CNTN4: variants seen among roughly 807,000 people sequenced by gnomAD.
CNTN4 encodes the protein contactin-4.
In CNTN4, 77 loss-of-function variants were observed where a neutral mutation model predicts 122.5. The observed-to-expected ratio is 0.63, with a 90% CI of 0.52 to 0.76. The LOEUF is 0.76. Ranked by LOEUF, CNTN4 falls within the 30% of genes least tolerant of loss-of-function variation. The probability of loss-of-function intolerance (pLI) is 0.00; values close to 1 mark genes in which losing one functional copy is unlikely to be tolerated. For missense variants in CNTN4, 1,256 were observed against 1,259.1 expected (o/e 1.00, Z 0.04); for synonymous variants, 512 against 447.0 (o/e 1.15, Z -1.83).
rs534895046 is a variant in CNTN4 at position 2,369,994 on chromosome 3, C to A, written c.-89+30761C>A. ...TTTTTACCATTAATTTTCCAAAGAG[C>A]CTCTGAACTCATTGATAGTGCCGGA... On this transcript the variant is annotated intron_variant, in intron 3 of 24. Coordinates refer to ENST00000418658, the MANE Select transcript of CNTN4 (RefSeq NM_175607.3). 1.1e-4 allele frequency among the ~76,000 whole-genome samples: 16 copies of A among 152,210 alleles called. No homozygotes were observed. The South Asian group carries it at 2.1e-3, about 20-fold the overall frequency.
intron 14 of CNTN4, among the ~76,000 whole-genome samples, chr3:3,011,383 C>T (rs1018041401): frequency 6.6e-6 from 1 of 152,094 alleles, no homozygotes; most frequent in Non-Finnish European, 1.5e-5. Flanking sequence ...GTCATATTGT[C>T]CTGTCTTCAG....
At chr3:2,816,800 A>G (rs971110442) in intron 6 of CNTN4, among the ~76,000 whole-genome samples, 1 of 138,004 alleles carries the variant, frequency 7.2e-6, no homozygotes, top group Non-Finnish European at 1.6e-5. Context: ...CAGTCTGGCA[A>G]CAGAGTGAGA....
chr3:2,266,674 A>C (rs1316900557), intron 2 of CNTN4, among the ~76,000 whole-genome samples: 1 of 152,048 alleles, frequency 6.6e-6, no homozygotes. Context: ...AGAATTTATA[A>C]TGTCTTCTAT....
intron 2 of CNTN4, among the ~76,000 whole-genome samples, chr3:2,193,404 A>G (rs989721416): frequency 1.3e-5 from 2 of 152,194 alleles, no homozygotes; most frequent in African/African-American, 4.8e-5. Flanking sequence ...GGGACTATAA[A>G]AATGGCTCAT....
At chr3:2,820,189 A>G (rs2092831119) in intron 7 of CNTN4, among the ~76,000 whole-genome samples, 1 of 152,006 alleles carries the variant, frequency 6.6e-6, no homozygotes, top group African/African-American at 2.4e-5. Flanking sequence ...GACCTCACAC[A>G]CTTCTGACTA....
intron 4 of CNTN4, among the ~76,000 whole-genome samples, chr3:2,617,419 C>CTTTTTTTTTTTT (rs71058631): frequency 5.5e-5 from 6 of 108,522 alleles, no homozygotes; most frequent in East Asian, 2.4e-4. Flanking sequence ...AGAGAAATGC[C>CTTTTTTTTTTTT]TTTTTTTTTT....
chr3:2,304,656 C>A (rs1482609169), intron 2 of CNTN4, among the ~76,000 whole-genome samples: 1 of 151,894 alleles, frequency 6.6e-6, no homozygotes, highest in African/African-American at 2.4e-5. Flanking sequence ...ATTGTGTGAA[C>A]TGACCCAACA....
At chr3:2,785,128 C>CACAG (rs1361309837) in intron 6 of CNTN4, among the ~76,000 whole-genome samples, 1 of 116,530 alleles carries the variant, frequency 8.6e-6, no homozygotes, top group African/African-American at 3.1e-5. Flanking sequence ...CACACACACA[C>CACAG]ACACACACAC....
chr3:2,429,852 G>C (rs1172676366), intron 3 of CNTN4, among the ~76,000 whole-genome samples: 1 of 152,118 alleles, frequency 6.6e-6, no homozygotes, highest in African/African-American at 2.4e-5. Flanking sequence ...AACAATAAGT[G>C]AGGCTCCGTG....
At chr3:2,926,279 T>A (rs756544701) in intron 13 of CNTN4, among the ~76,000 whole-genome samples, 4 of 152,234 alleles carry the variant, frequency 2.6e-5, no homozygotes, top group Non-Finnish European at 4.4e-5. Flanking sequence ...CAGAGTGTTA[T>A]GCTTTTTATT....
rs2094397630 is a variant in CNTN4 at position 2,918,884 on chromosome 3, A to T, written c.1208-6745A>T. Among the ~76,000 whole-genome samples, 3 of 152,232 alleles carry T rather than the reference A, an allele frequency of 2.0e-5. No homozygotes were observed. The South Asian group carries it at 6.2e-4, about 32-fold the overall frequency. ...AAGGGGAGAAAGAGATGTAGTGTTC[A>T]GGCAAAGCCTCATGAGACGGGAATT... On this transcript the variant is annotated intron_variant, in intron 12 of 24. Coordinates refer to ENST00000418658, the MANE Select transcript of CNTN4 (RefSeq NM_175607.3).
intron 4 of CNTN4, among the ~76,000 whole-genome samples, chr3:2,729,846 G>A (rs113307943): frequency 0.012 from 1,784 of 152,222 alleles, 32 homozygotes; most frequent in African/African-American, 0.041. Context: ...CCTGGGAGGC[G>A]GAGGTTGCAG....
rs113089890 is a variant in CNTN4 at position 2,759,989 on chromosome 3, C to A, written c.358+14292C>A. Among the ~76,000 whole-genome samples, 512 of 152,176 alleles carry A rather than the reference C, an allele frequency of 3.4e-3. 5 individuals are homozygous for A. Among genetic ancestry groups the A allele is most frequent in the African/African-American group, 0.012 (488 of 41,458 alleles). On this transcript the variant is annotated intron_variant, in intron 6 of 24. Coordinates refer to ENST00000418658, the MANE Select transcript of CNTN4 (RefSeq NM_175607.3). ...TATTGCTACATCTTTGGAGACACTTCTATTCAAATCCTTTGCTCATTTTTA... is the reference window on the plus strand; with the variant it reads ...TATTGCTACATCTTTGGAGACACTTATATTCAAATCCTTTGCTCATTTTTA...
intron 2 of CNTN4, among the ~76,000 whole-genome samples, chr3:2,267,543 A>C (rs1043180280): frequency 2.0e-5 from 3 of 152,120 alleles, no homozygotes; most frequent in African/African-American, 2.4e-5. Flanking sequence ...CATGACAATC[A>C]TATCTCATCT....
chr3:2,228,298 C>A (rs1211934776), intron 2 of CNTN4, among the ~76,000 whole-genome samples: 1 of 151,882 alleles, frequency 6.6e-6, no homozygotes, highest in Non-Finnish European at 1.5e-5. Flanking sequence ...TGGAAAAAAT[C>A]AAAATAATAA....
chr3:2,389,414 C>T (rs535575270), intron 3 of CNTN4, among the ~76,000 whole-genome samples: 1 of 151,552 alleles, frequency 6.6e-6, no homozygotes, highest in African/African-American at 2.4e-5. Context: ...ATGTTGTTCT[C>T]GAAGAAAGGT....
At chr3:2,413,481 T>C (rs2047301773) in intron 3 of CNTN4, among the ~76,000 whole-genome samples, 2 of 152,198 alleles carry the variant, frequency 1.3e-5, no homozygotes, top group South Asian at 4.1e-4. Context: ...CTAAATTCTT[T>C]AGATTTGAAA....
intron 3 of CNTN4, among the ~76,000 whole-genome samples, chr3:2,419,577 A>C (rs944701228): frequency 2.0e-5 from 3 of 152,208 alleles, no homozygotes; most frequent in African/African-American, 7.2e-5. Context: ...GTCTGCAACT[A>C]AAAGATAAAG....
At chr3:2,597,636 G>T (rs1362499585) in intron 4 of CNTN4, among the ~76,000 whole-genome samples, 5 of 152,132 alleles carry the variant, frequency 3.3e-5, no homozygotes, top group Non-Finnish European at 7.3e-5. Flanking sequence ...CACCTGAGAA[G>T]TGGTGCTGTG....
Sources: gnomAD v4.1 joint callset for allele counts (sites outside exome capture counted in the v4.1 genomes callset) on GRCh38, gnomAD v4.1.1 for gene constraint, MANE v1.5 for transcripts, NCBI Gene and HGNC (gene_info 2026-07-23, HGNC 2026-07-21) for gene names.